Variants in ANKRD44 observed in about 807,000 individuals in gnomAD.
ANKRD44 encodes serine/threonine-protein phosphatase 6 regulatory ankyrin repeat subunit B.
A neutral mutation model predicts 116.0 loss-of-function variants in ANKRD44; 35 were observed. That is an observed-to-expected ratio of 0.30 (90% CI 0.23 to 0.40). ANKRD44 has a LOEUF of 0.40. Ranked by LOEUF, ANKRD44 falls within the 10% of genes least tolerant of loss-of-function variation. The pLI, the probability that ANKRD44 is intolerant of heterozygous loss-of-function variation, is 1.00. For missense variants in ANKRD44, 1,014 were observed against 1,242.6 expected (o/e 0.82, Z 2.77); for synonymous variants, 435 against 461.8 (o/e 0.94, Z 0.74).
chr2:197,079,916 T>C (rs928358393), intron 15 of ANKRD44, among the ~76,000 whole-genome samples: 1 of 152,196 alleles, frequency 6.6e-6, no homozygotes, highest in African/African-American at 2.4e-5. Flanking sequence ...ATGAAAGCCA[T>C]ACATTTTAAA....
rs760577360 is a variant in ANKRD44 at position 197,013,573 on chromosome 2, T to C, written c.1862A>G (p.Asn621Ser). Residue 621 changes from asparagine to serine, a missense_variant, in exon 18 of 28, where the codon AAT (asparagine) becomes AGT (serine). By Grantham distance (46) the Asn-to-Ser change is conservative. Transcript: ENST00000282272. ...TTTCACAAAGATGGATGCGCCCTGA[T>C]TGATAAGCGCTTCCACACATTCTGT... ...GHTECVEALI[N>S]QGASIFVKDN... 6 of 1,614,112 alleles carry C rather than the reference T, an allele frequency of 3.7e-6. No homozygotes were observed. The African/African-American group carries it at 4.0e-5, about 11-fold the overall frequency.
intron 17 of ANKRD44, among the ~76,000 whole-genome samples, chr2:197,019,181 G>T (rs1025114766): frequency 6.6e-6 from 1 of 152,152 alleles, no homozygotes; most frequent in Non-Finnish European, 1.5e-5. Flanking sequence ...TGGCTTGAGC[G>T]GAGCTATGAA....
At chr2:197,209,081 A>G (rs2081271691) in intron 1 of ANKRD44, among the ~76,000 whole-genome samples, 1 of 152,186 alleles carries the variant, frequency 6.6e-6, no homozygotes, top group African/African-American at 2.4e-5. Flanking sequence ...TCATGAATGC[A>G]ATTCATTTCC....
intron 16 of ANKRD44, 132 bp downstream of exon 16, chr2:197,078,571 T>C: frequency 6.6e-7 from 1 of 1,521,852 alleles, no homozygotes; most frequent in South Asian, 1.2e-5. Context: ...TCAGAATTCA[T>C]GAAATCCTGA....
chr2:197,044,865 C>CA (rs974396376), intron 16 of ANKRD44, among the ~76,000 whole-genome samples: 88 of 140,918 alleles, frequency 6.2e-4, no homozygotes, highest in African/African-American at 9.6e-4. Context: ...TATGCCTAAG[C>CA]AAAAAAAAAA....
At chr2:197,207,300 G>A (rs58013358) in intron 1 of ANKRD44, among the ~76,000 whole-genome samples, 10,238 of 152,238 alleles carry the variant, frequency 0.067, 1,156 homozygotes, top group African/African-American at 0.23. Context: ...AGGCCAGGAC[G>A]TTCTTACCAG....
chr2:197,000,986 C>T (rs1452388425), intron 22 of ANKRD44, among the ~76,000 whole-genome samples: 4 of 152,152 alleles, frequency 2.6e-5, no homozygotes, highest in Non-Finnish European at 5.9e-5. Flanking sequence ...TGCAGTGAGC[C>T]GAGATTGTGC....
At chr2:197,113,209 G>A (rs1003693378) in intron 8 of ANKRD44, among the ~76,000 whole-genome samples, 4 of 152,204 alleles carry the variant, frequency 2.6e-5, no homozygotes, top group Admixed American at 2.0e-4. Context: ...GGGAAGGAGA[G>A]CTCCTAAAAG....
intron 1 of ANKRD44, among the ~76,000 whole-genome samples, chr2:197,267,391 T>C (rs2082769145): frequency 6.6e-6 from 1 of 152,230 alleles, no homozygotes; most frequent in African/African-American, 2.4e-5. Flanking sequence ...CAATTGGCTG[T>C]TGCTAATTTA....
chr2:197,199,225 T>C (rs1047988872), intron 1 of ANKRD44: 1 of 151,962 alleles, frequency 6.6e-6, no homozygotes, highest in African/African-American at 2.4e-5. Flanking sequence ...AAAAAAAATG[T>C]ATCTTTACGT....
At chr2:197,118,615 A>AAGAAAGAGAGAGAG (rs1553512529) in intron 8 of ANKRD44, among the ~76,000 whole-genome samples, 2 of 76,398 alleles carry the variant, frequency 2.6e-5, no homozygotes, top group African/African-American at 1.4e-4. Context: ...GAGAGAAAGA[A>AAGAAAGAGAGAGAG]AGAGAGAGAG....
Position 196,986,904 on chromosome 2 carries a change from A to T in ANKRD44, c.*2687T>A. ...TCAACTCCAATTTACATAAGAAAAC[A>T]TTATAGACAAAATCCCACTGAAATC... is the stretch of plus-strand genomic sequence containing the variant. On this transcript the variant is annotated 3_prime_UTR_variant, in exon 28 of 28. Transcript: ENST00000282272. 1 of 985,406 alleles carries T rather than the reference A, an allele frequency of 1.0e-6. No individual in the cohort carries two copies. Among genetic ancestry groups the T allele is most frequent in the Non-Finnish European group, 1.2e-6 (1 of 829,870 alleles). 61.0% of individuals were successfully genotyped at this position (985,406 alleles called of 1,614,324 possible).
chr2:197,028,171 T>C (rs1313602550), intron 16 of ANKRD44, among the ~76,000 whole-genome samples: 1 of 152,190 alleles, frequency 6.6e-6, no homozygotes, highest in South Asian at 2.1e-4. Flanking sequence ...TAGTGGTATA[T>C]ATTACACTTT....
chr2:197,262,436 C>G (rs2082629576), intron 1 of ANKRD44, among the ~76,000 whole-genome samples: 1 of 152,164 alleles, frequency 6.6e-6, no homozygotes, highest in Admixed American at 6.5e-5. Flanking sequence ...AAATTCCCAT[C>G]CAGAATGAAC....
At chr2:197,248,574 G>GTATATATATATATATA (rs1237255982) in intron 1 of ANKRD44, among the ~76,000 whole-genome samples, 3 of 118,788 alleles carry the variant, frequency 2.5e-5, no homozygotes, top group African/African-American at 8.6e-5. Context: ...GTGTGTGTGT[G>GTATATATATATATATA]TGTGTATATA....
At position 197,013,679 on chromosome 2, in the gene ANKRD44, G is replaced by C; in HGVS notation, c.1756C>G (p.Leu586Val). Reference protein sequence around the residue: ...YNGHHQALEVLLQSLVDLDIR... With the variant: ...YNGHHQALEVVLQSLVDLDIR... ...TCCAGGTCCACCAACGACTGCAGAA[G>C]GACTTCCAAGGCTTGATGGTGCCCA... Residue 586 changes from leucine (L) to valine (V), a missense_variant, in exon 18 of 28, where the codon CTT becomes GTT. Leu to Val is a conservative substitution (Grantham distance 32). Coordinates refer to ENST00000282272, the MANE Select transcript of ANKRD44 (RefSeq NM_001195144.2). 6.2e-7 allele frequency: 1 copy of C among 1,613,522 alleles called. No homozygotes were observed. The highest frequency in any genetic ancestry group is 8.5e-7 in the Non-Finnish European group (1 of 1,180,034).
chr2:197,278,479 C>T (rs934289695), intron 1 of ANKRD44, among the ~76,000 whole-genome samples: 1 of 152,088 alleles, frequency 6.6e-6, no homozygotes, highest in South Asian at 2.1e-4. Flanking sequence ...GCCTCAGCCT[C>T]CCGAGTAGCT....
intron 4 of ANKRD44, among the ~76,000 whole-genome samples, chr2:197,127,417 T>C (rs562412196): frequency 1.3e-5 from 2 of 152,310 alleles, no homozygotes; most frequent in East Asian, 3.9e-4. Flanking sequence ...ATTTCTCTTT[T>C]AAAAGTTTTA....
At chr2:197,008,707 G>C (rs2076243175) in intron 19 of ANKRD44, among the ~76,000 whole-genome samples, 1 of 152,166 alleles carries the variant, frequency 6.6e-6, no homozygotes, top group South Asian at 2.1e-4. Flanking sequence ...CGGGAAACAT[G>C]GCCACAGCCC....
Sources: allele counts gnomAD v4.1 joint callset (sites outside exome capture counted in the v4.1 genomes callset), GRCh38; gene constraint gnomAD v4.1.1; transcripts MANE v1.5; gene names NCBI Gene and HGNC (gene_info 2026-07-23, HGNC 2026-07-21).